SAMMSON: variants seen among roughly 807,000 people sequenced by gnomAD.
SAMMSON encodes the protein survival associated mitochondrial melanoma specific oncogenic non-coding RNA.
intron 4 of SAMMSON, among the ~76,000 whole-genome samples, chr3:70,111,939 TAA>T (rs2067391439): frequency 6.6e-6 from 1 of 152,026 alleles, no homozygotes; most frequent in Non-Finnish European, 1.5e-5. Flanking sequence ...AAAGGGACAT[TAA>T]AAGTCTTGAA....
chr3:70,393,119 C>A (rs1308874173), downstream of SAMMSON, among the ~76,000 whole-genome samples: 1 of 152,130 alleles, frequency 6.6e-6, no homozygotes, highest in African/African-American at 2.4e-5. Flanking sequence ...GATCATGATG[C>A]TTTCTTCAGT....
At chr3:70,350,645 T>A (rs961632234) in intron 7 of SAMMSON, among the ~76,000 whole-genome samples, 8 of 152,306 alleles carry the variant, frequency 5.3e-5, no homozygotes, top group African/African-American at 1.7e-4. Context: ...TTTCATTCAT[T>A]CATTCAAATT....
At chr3:70,168,309 G>A (rs1244002348) in intron 4 of SAMMSON, among the ~76,000 whole-genome samples, 1 of 151,864 alleles carries the variant, frequency 6.6e-6, no homozygotes, top group Non-Finnish European at 1.5e-5. Flanking sequence ...GGGAGGAAGG[G>A]GTGACAGATG....
chr3:70,169,448 TC>T (rs1435364890), intron 4 of SAMMSON, among the ~76,000 whole-genome samples: 1 of 151,942 alleles, frequency 6.6e-6, no homozygotes, highest in Non-Finnish European at 1.5e-5. Context: ...GGGTGATATT[TC>T]CTTAACATCT....
intron 7 of SAMMSON, among the ~76,000 whole-genome samples, chr3:70,323,168 TAAG>T (rs925025502): frequency 2.0e-5 from 3 of 152,166 alleles, no homozygotes; most frequent in Non-Finnish European, 4.4e-5. Context: ...GCACAGGACG[TAAG>T]AAGAAGAAAA....
intron 4 of SAMMSON, among the ~76,000 whole-genome samples, chr3:70,186,148 A>G (rs9836196): frequency 0.028 from 4,240 of 152,294 alleles, 177 homozygotes; most frequent in African/African-American, 0.095. Flanking sequence ...GAAGCTTTGC[A>G]TACTCCAGAA....
At chr3:70,099,881 G>A (rs1285343085) in intron 4 of SAMMSON, among the ~76,000 whole-genome samples, 1 of 152,162 alleles carries the variant, frequency 6.6e-6, no homozygotes, top group African/African-American at 2.4e-5. Context: ...GTACTTGCAT[G>A]TTCCCTGTGC....
rs6766425 is a variant in SAMMSON, at chr3:70,341,916, A to T, written n.740-12259A>T. On this transcript the variant is annotated intron_variant and non_coding_transcript_variant, in intron 7 of 9. Transcript: ENST00000642114. Reference sequence around the variant, plus strand: ...ATTTACAATAGATCAGTAATATGTAAAGCCTGTTGATAGATATCCCTGGGA... The same window carrying T: ...ATTTACAATAGATCAGTAATATGTATAGCCTGTTGATAGATATCCCTGGGA... Among the ~76,000 whole-genome samples, 307 of 152,312 alleles carry T rather than the reference A, an allele frequency of 2.0e-3. 3 individuals are homozygous for T. Among genetic ancestry groups the T allele is most frequent in the African/African-American group, 6.8e-3 (282 of 41,572 alleles).
At chr3:70,053,467 A>G (rs1223503763) in intron 3 of SAMMSON, among the ~76,000 whole-genome samples, 3 of 152,154 alleles carry the variant, frequency 2.0e-5, no homozygotes, top group Non-Finnish European at 4.4e-5. Context: ...GTTAAAGATG[A>G]GAGCCACTAG....
chr3:70,031,511 C>T (rs1324656135), intron 3 of SAMMSON, among the ~76,000 whole-genome samples: 1 of 152,088 alleles, frequency 6.6e-6, no homozygotes, highest in Non-Finnish European at 1.5e-5. Context: ...GAATTGTACA[C>T]TTACAATTGT....
intron 7 of SAMMSON, among the ~76,000 whole-genome samples, chr3:70,350,566 C>A (rs1177006026): frequency 6.6e-6 from 1 of 152,022 alleles, no homozygotes; most frequent in East Asian, 1.9e-4. Context: ...ATTACTTCTT[C>A]ACCCATATTC....
intron 7 of SAMMSON, among the ~76,000 whole-genome samples, chr3:70,326,965 T>C (rs976114592): frequency 2.6e-5 from 4 of 152,174 alleles, no homozygotes; most frequent in Admixed American, 2.6e-4. Flanking sequence ...TTTAAGAAAT[T>C]CTGCTGCCTA....
At chr3:70,172,621 A>G (rs6549287) in intron 4 of SAMMSON, 83,585 of 151,724 alleles carry the variant, frequency 0.55, 24,204 homozygotes, top group Non-Finnish European at 0.62. Context: ...AACACTCACA[A>G]AAGAGGGGCT....
chr3:70,282,556 T>G (rs4498002), intron 6 of SAMMSON, among the ~76,000 whole-genome samples: 65,252 of 152,012 alleles, frequency 0.43, 14,548 homozygotes, highest in East Asian at 0.8. Context: ...CTTTGAACAT[T>G]CCAAGCAGTC....
intron 7 of SAMMSON, among the ~76,000 whole-genome samples, chr3:70,298,421 A>T (rs1340653829): frequency 1.3e-5 from 2 of 152,102 alleles, no homozygotes; most frequent in African/African-American, 4.8e-5. Flanking sequence ...TAATCCTTAT[A>T]ATTTGTTTGT....
intron 1 of SAMMSON, among the ~76,000 whole-genome samples, chr3:70,009,888 C>T (rs1355951124): frequency 5.3e-5 from 8 of 149,636 alleles, no homozygotes; most frequent in Non-Finnish European, 4.4e-5. Flanking sequence ...GCCTTCATTT[C>T]GTTATGGACT....
At chr3:70,130,959 G>T (rs1256053555) in intron 4 of SAMMSON, among the ~76,000 whole-genome samples, 1 of 151,968 alleles carries the variant, frequency 6.6e-6, no homozygotes, top group Non-Finnish European at 1.5e-5. Context: ...CTAGGTTTTG[G>T]GATAGTTTAT....
intron 4 of SAMMSON, among the ~76,000 whole-genome samples, chr3:70,074,042 T>C (rs2067239462): frequency 6.6e-6 from 1 of 151,780 alleles, no homozygotes; most frequent in South Asian, 2.1e-4. Flanking sequence ...TATTATTATT[T>C]TTCTTTTTAT....
intron 6 of SAMMSON, among the ~76,000 whole-genome samples, chr3:70,278,817 CT>C (rs1702053497): frequency 6.6e-6 from 1 of 151,942 alleles, no homozygotes; most frequent in Non-Finnish European, 1.5e-5. Flanking sequence ...TCAGATTCTT[CT>C]TCTATAAAGG....
Sources: allele counts gnomAD v4.1 joint callset (sites outside exome capture counted in the v4.1 genomes callset), GRCh38; gene constraint gnomAD v4.1.1; transcripts MANE v1.5; gene names NCBI Gene and HGNC (gene_info 2026-07-23, HGNC 2026-07-21).